RHOBTB1: variants seen among roughly 807,000 people sequenced by gnomAD.
RHOBTB1 encodes the protein Rho related BTB domain containing 1.
A neutral mutation model predicts 71.6 loss-of-function variants in RHOBTB1; 40 were observed. The ratio of observed to expected loss-of-function variants is 0.56; its 90% confidence interval spans 0.43 to 0.73. The LOEUF is 0.73. Ranked by LOEUF, RHOBTB1 falls within the 30% of genes least tolerant of loss-of-function variation. The probability of loss-of-function intolerance (pLI) is 0.00; values close to 1 mark genes in which losing one functional copy is unlikely to be tolerated. For synonymous variants in RHOBTB1, 319 were observed against 334.9 expected (o/e 0.95, Z 0.52); for missense variants, 797 against 894.0 (o/e 0.89, Z 1.38).
Position 60,870,783 on chromosome 10 carries a change from T to C in RHOBTB1, c.*699A>G, listed in dbSNP as rs1233721907. 2.6e-5 allele frequency: 4 copies of C among 152,628 alleles called. No homozygotes were observed. The highest frequency in any genetic ancestry group is 1.3e-4 in the Admixed American group (2 of 15,274). 9.5% of individuals were successfully genotyped at this position (152,628 alleles called of 1,614,324 possible). The stretch of plus-strand genomic sequence containing the variant: ...AGATTGTCCTCTTGAAACTAGACAT[T>C]GGAAACAACAGAATATTTGATATCA... On this transcript the variant is annotated 3_prime_UTR_variant, in exon 11 of 11. Transcript: ENST00000337910.
chr10:60,963,446 G>T (rs923624417), intron 2 of RHOBTB1, among the ~76,000 whole-genome samples: 4 of 152,144 alleles, frequency 2.6e-5, no homozygotes, highest in Non-Finnish European at 5.9e-5. Context: ...TCCTTTGAAA[G>T]TTGCACCCTT....
At chr10:60,963,161 A>C (rs978022473) in intron 2 of RHOBTB1, among the ~76,000 whole-genome samples, 1 of 152,110 alleles carries the variant, frequency 6.6e-6, no homozygotes, top group Non-Finnish European at 1.5e-5. Context: ...TTATGGCAGG[A>C]ATGTTCTCAA....
In RHOBTB1 at chr10:60,914,982, G is replaced by C. The variant is rs143048611; in HGVS notation, c.-10-3430C>G. ...GGCCCAGATCACTTGCTCCAGATGT[G>C]GAATTTCCAGGAAGCATTCACTGAA... On this transcript the variant is annotated intron_variant, in intron 2 of 10. Transcript: ENST00000337910. 4.6e-3 allele frequency among the ~76,000 whole-genome samples: 694 copies of C among 152,184 alleles called. 3 individuals carry two copies. The highest frequency in any genetic ancestry group is 8.0e-3 in the Admixed American group (123 of 15,282).
chr10:60,948,666 AG>A (rs1316954698), upstream of RHOBTB1, among the ~76,000 whole-genome samples: 1 of 152,234 alleles, frequency 6.6e-6, no homozygotes, highest in African/African-American at 2.4e-5. Context: ...TAGTACTAAC[AG>A]GGGTTTGAAG....
rs376582036 is a variant in RHOBTB1 at position 60,892,943 on chromosome 10, G to C, written c.349C>G (p.His117Asp). 1.9e-6 allele frequency: 3 copies of C among 1,613,886 alleles called. No individual in the cohort carries two copies. Among genetic ancestry groups the C allele is most frequent in the Non-Finnish European group, 2.5e-6 (3 of 1,179,940 alleles). Reference protein sequence around the residue: ...FSIANPNSLNHVKSMWYPEIK... With the variant: ...FSIANPNSLNDVKSMWYPEIK... ...TCTGGATACCACATGCTTTTCACAT[G>C]ATTTAGGGAATTGGGATTAGCAATC... The change falls in exon 5 of 11, where the codon CAT becomes GAT. Residue 117 changes from histidine to aspartate, a missense_variant. Physicochemically the swap from His to Asp is moderately conservative, Grantham distance 81. Around this residue, in one of 2 missense-constraint regions of RHOBTB1, gnomAD observed 139 missense variants for 212.5 expected, o/e 0.65. Transcript: ENST00000337910.
At chr10:60,871,936 C>G in intron 10 of RHOBTB1, 1 of 610,478 alleles carries the variant, frequency 1.6e-6, no homozygotes, top group South Asian at 2.0e-5. Context: ...GCCACCACCT[C>G]TGCACTCTCT....
chr10:60,989,845 C>T (rs569715222), intron 1 of RHOBTB1, among the ~76,000 whole-genome samples: 1 of 152,110 alleles, frequency 6.6e-6, no homozygotes, highest in East Asian at 1.9e-4. Flanking sequence ...AGCACTGCTT[C>T]GTGACATTTA....
rs1174060406 is a variant in RHOBTB1, at chr10:60,870,025, A to C, written c.*1457T>G. 1 of 152,642 alleles carries C rather than the reference A, an allele frequency of 6.6e-6. No homozygotes were observed. Among genetic ancestry groups the C allele is most frequent in the Non-Finnish European group, 1.5e-5 (1 of 68,042 alleles). 9.5% of individuals were successfully genotyped at this position (152,642 alleles called of 1,614,324 possible). On this transcript the variant is annotated 3_prime_UTR_variant, in exon 11 of 11. Coordinates refer to ENST00000337910, the MANE Select transcript of RHOBTB1 (RefSeq NM_014836.5). ...TAGAAGAAAAAATAAAAATAAAAAC[A>C]AAATCAACAGTCCTTGGCATTGGTA... is the stretch of plus-strand genomic sequence containing the variant.
the RHOBTB1 span, among the ~76,000 whole-genome samples, chr10:60,863,117 T>C: frequency 2.0e-5 from 3 of 152,308 alleles, no homozygotes; most frequent in Admixed American, 6.5e-5. Flanking sequence ...ATTGCCATCC[T>C]GGCCTTTTTT....
At chr10:60,882,594 A>C (rs1307124573) in intron 7 of RHOBTB1, among the ~76,000 whole-genome samples, 2 of 152,126 alleles carry the variant, frequency 1.3e-5, no homozygotes, top group Non-Finnish European at 2.9e-5. Flanking sequence ...TAATTCTCCA[A>C]AAAAGGCTGA....
chr10:60,875,164 G>A (rs748364514), intron 8 of RHOBTB1, 122 bp from the exon 9 acceptor site: 1 of 696,572 alleles, frequency 1.4e-6, no homozygotes, highest in Non-Finnish European at 2.6e-6. Context: ...GCTCTGGGCA[G>A]GCATCTGAAT....
intron 1 of RHOBTB1, among the ~76,000 whole-genome samples, chr10:60,998,669 G>A (rs1221135479): frequency 6.6e-6 from 1 of 152,160 alleles, no homozygotes; most frequent in African/African-American, 2.4e-5. Flanking sequence ...GGATCCTGTG[G>A]GAGAAATAGC....
chr10:60,976,318 A>G (rs1030286739), intron 2 of RHOBTB1, among the ~76,000 whole-genome samples: 2 of 151,546 alleles, frequency 1.3e-5, no homozygotes, highest in African/African-American at 2.4e-5. Flanking sequence ...ATATGTATAT[A>G]TATTATATAT....
chr10:60,990,638 T>A (rs1418401029), intron 1 of RHOBTB1, among the ~76,000 whole-genome samples: 1 of 152,198 alleles, frequency 6.6e-6, no homozygotes, highest in Admixed American at 6.5e-5. Flanking sequence ...CTGCCCCCCA[T>A]GACCCAGGAA....
chr10:61,000,310 C>T (rs368764044), intron 1 of RHOBTB1, among the ~76,000 whole-genome samples: 23 of 152,164 alleles, frequency 1.5e-4, no homozygotes, highest in African/African-American at 5.1e-4. Context: ...CTAAGGCTAG[C>T]GGCCCAAGAA....
chr10:60,897,316 C>T (rs138435074), intron 4 of RHOBTB1, among the ~76,000 whole-genome samples: 69 of 152,252 alleles, frequency 4.5e-4, no homozygotes, highest in Admixed American at 1.8e-3. Flanking sequence ...AAGACATGGT[C>T]GGAAAAGAAT....
At chr10:60,884,684 C>A (rs779637106) in intron 7 of RHOBTB1, among the ~76,000 whole-genome samples, 19 of 152,114 alleles carry the variant, frequency 1.2e-4, no homozygotes, top group Non-Finnish European at 2.1e-4. Context: ...TCATTCAAGA[C>A]AACATGCATG....
At chr10:60,904,638 G>A (rs1183872724) in intron 4 of RHOBTB1, among the ~76,000 whole-genome samples, 3 of 152,174 alleles carry the variant, frequency 2.0e-5, no homozygotes, top group African/African-American at 7.2e-5. Context: ...CCAGGACGGT[G>A]TTTACCAAAG....
chr10:60,934,643 TC>T lies in RHOBTB1; in HGVS notation c.-11+7160del, dbSNP rs1589359838. 2.0e-5 allele frequency among the ~76,000 whole-genome samples: 3 copies of T among 152,352 alleles called. No individual in the cohort carries two copies. In the East Asian group the frequency reaches 5.8e-4, roughly 29 times the overall value. ...TTGATATACACAAAGGGAAACAAGT[TC>T]CTTTACTTGAAGCCTCTTTCCAGGA... On this transcript the variant is annotated intron_variant, in intron 2 of 10. Coordinates refer to ENST00000337910, the MANE Select transcript of RHOBTB1 (RefSeq NM_014836.5).
Sources: allele counts gnomAD v4.1 joint callset (sites outside exome capture counted in the v4.1 genomes callset), GRCh38; gene constraint gnomAD v4.1.1; regional missense constraint gnomAD v4.1.1; transcripts MANE v1.5; gene names NCBI Gene and HGNC (gene_info 2026-07-23, HGNC 2026-07-21).